The following ARID1B variants were observed in gnomAD, a reference collection of about 807,000 sequenced individuals.
The protein encoded by ARID1B is AT-rich interaction domain 1B, also known as AT-rich interactive domain-containing protein 1B.
Under a neutral mutation model 212.3 loss-of-function variants are expected in ARID1B, and 30 were observed. The observed-to-expected ratio is 0.14, with a 90% CI of 0.11 to 0.19. The LOEUF (loss-of-function observed/expected upper bound fraction) is 0.19. Ranked by LOEUF, ARID1B falls within the 10% of genes least tolerant of loss-of-function variation. The pLI, the probability that ARID1B is intolerant of heterozygous loss-of-function variation, is 1.00. For missense variants in ARID1B, 2,891 were observed against 3,204.0 expected (o/e 0.90, Z 2.36); for synonymous variants, 1,402 against 1,301.7 (o/e 1.08, Z -1.66).
chr6:157,116,652 A>T (rs758664316), intron 6 of ARID1B, among the ~76,000 whole-genome samples: 5 of 151,882 alleles, frequency 3.3e-5, no homozygotes, highest in Non-Finnish European at 7.4e-5. Flanking sequence ...ACTGTGAGCC[A>T]CGAGGAAATG....
chr6:157,131,224 A>G (rs995719184), intron 6 of ARID1B, among the ~76,000 whole-genome samples: 4 of 152,204 alleles, frequency 2.6e-5, no homozygotes, highest in African/African-American at 9.7e-5. Flanking sequence ...CACGTCCCAC[A>G]CGCTCTGCTA....
chr6:156,797,719 A>G (rs1780485266), intron 1 of ARID1B, among the ~76,000 whole-genome samples: 1 of 152,128 alleles, frequency 6.6e-6, no homozygotes, highest in South Asian at 2.1e-4. Context: ...AGCTCGATGG[A>G]GATGCTGGAG....
intron 4 of ARID1B, among the ~76,000 whole-genome samples, chr6:157,078,520 A>G (rs138286859): frequency 1.3e-5 from 2 of 152,312 alleles, no homozygotes; most frequent in East Asian, 3.9e-4. Flanking sequence ...AATCTCTTCA[A>G]AAGAGCTTGA....
chr6:156,912,123 G>A (rs115157389), intron 3 of ARID1B, among the ~76,000 whole-genome samples: 143 of 152,006 alleles, frequency 9.4e-4, no homozygotes, highest in African/African-American at 3.2e-3. Flanking sequence ...AGGATTCCAC[G>A]TTACCCATTA....
intron 8 of ARID1B, among the ~76,000 whole-genome samples, chr6:157,159,404 G>T (rs1390433308): frequency 6.6e-6 from 1 of 152,160 alleles, no homozygotes; most frequent in Non-Finnish European, 1.5e-5. Flanking sequence ...TGTTCTCCTG[G>T]TTGCTTTGAG....
chr6:156,962,574 C>T (rs1226952766), intron 4 of ARID1B, among the ~76,000 whole-genome samples: 1 of 151,990 alleles, frequency 6.6e-6, no homozygotes, highest in Non-Finnish European at 1.5e-5. Context: ...TCACCGCTTC[C>T]CGGGCTAAAG....
chr6:156,975,613 C>CTTTTTTTTTTTTTTTTTTTTT (rs367797338), intron 4 of ARID1B, among the ~76,000 whole-genome samples: 2 of 110,854 alleles, frequency 1.8e-5, no homozygotes, highest in African/African-American at 3.5e-5. Context: ...TTTTTTTTTT[C>CTTTTTTTTTTTTTTTTTTTTT]TTTTTTTTTT....
In ARID1B at chr6:157,206,373, C is replaced by T. The variant is rs368980689; in HGVS notation, c.5601C>T (p.Asp1867=). 166 of 1,613,932 alleles carry T rather than the reference C, an allele frequency of 1.0e-4. No individual in the cohort carries two copies. Among genetic ancestry groups the T allele is most frequent in the Non-Finnish European group, 1.2e-4 (144 of 1,180,026 alleles). ...AATGTATTGATGACGACGAGGAAGA[C>T]GAGGAGGATGAGGAGGAAGACAGCG... ...DAECIDDDEE[D]EEDEEEDSEK... The change falls in exon 20 of 20, where the codon GAC becomes GAT. Residue 1867 remains aspartate, a synonymous_variant. Coordinates refer to ENST00000636930, the MANE Select transcript of ARID1B (RefSeq NM_001374828.1). The surrounding 1 kb of genome is among the most constrained non-coding windows in gnomAD (Gnocchi z 6.8).
At chr6:157,169,053 A>C (rs1242529232) in intron 9 of ARID1B, 1 of 152,058 alleles carries the variant, frequency 6.6e-6, no homozygotes, top group Non-Finnish European at 1.5e-5. Context: ...TCAGAGAGAC[A>C]GGAGTGACGC....
chr6:157,132,560 G>A (rs1788621408), intron 6 of ARID1B, among the ~76,000 whole-genome samples: 2 of 152,178 alleles, frequency 1.3e-5, no homozygotes, highest in African/African-American at 4.8e-5. Flanking sequence ...GCAGGGAAGA[G>A]CTGGTACCCT....
intron 8 of ARID1B, among the ~76,000 whole-genome samples, chr6:157,161,431 G>A (rs570568536): frequency 0.055 from 7,667 of 139,280 alleles, 698 homozygotes; most frequent in African/African-American, 0.2. Context: ...TTGTGTGTGT[G>A]TATATATATA....
chr6:157,079,488 A>G (rs991291812), intron 4 of ARID1B, among the ~76,000 whole-genome samples: 1 of 152,192 alleles, frequency 6.6e-6, no homozygotes, highest in African/African-American at 2.4e-5. Context: ...CGTGACCAAA[A>G]ATGATAGTTG....
chr6:157,104,785 A>C (rs1347108477), intron 5 of ARID1B, among the ~76,000 whole-genome samples: 1 of 152,254 alleles, frequency 6.6e-6, no homozygotes, highest in East Asian at 1.9e-4. Flanking sequence ...TGAACTCAGC[A>C]GTCATGAGTT....
rs541066146 is a variant in ARID1B, at chr6:156,779,731, T to TC, written c.1791+268dup. 1,438 of 149,938 alleles carry TC rather than the reference T, an allele frequency of 9.6e-3. 26 individuals carry two copies. Among genetic ancestry groups the TC allele is most frequent in the African/African-American group, 0.036 (1,332 of 37,004 alleles). 9.3% of individuals were successfully genotyped at this position (149,938 alleles called of 1,614,324 possible). On this transcript the variant is annotated intron_variant, in intron 1 of 19. Coordinates refer to ENST00000636930, the MANE Select transcript of ARID1B (RefSeq NM_001374828.1). ...TCTACCCCGCCGGCCCGCACCCGCGTCCCCCCCCTCCCCCAGGCCCGGGAA... is the reference window on the plus strand; with the variant it reads ...TCTACCCCGCCGGCCCGCACCCGCGTCCCCCCCCCTCCCCCAGGCCCGGGAA...
intron 9 of ARID1B, chr6:157,173,256 A>C (rs1315881104): frequency 1.3e-5 from 2 of 152,202 alleles, no homozygotes; most frequent in Non-Finnish European, 2.9e-5. Flanking sequence ...TTTGATGCTA[A>C]AGCCTAAATA....
At chr6:157,076,995 A>G (rs1002949925) in intron 4 of ARID1B, among the ~76,000 whole-genome samples, 1 of 152,130 alleles carries the variant, frequency 6.6e-6, no homozygotes, top group Non-Finnish European at 1.5e-5. Context: ...TAGTTTTTAG[A>G]TACTGTCAGG....
chr6:156,801,612 C>T (rs891307435), intron 1 of ARID1B, among the ~76,000 whole-genome samples: 2 of 152,008 alleles, frequency 1.3e-5, no homozygotes, highest in Non-Finnish European at 2.9e-5. Context: ...AGATTTTTTC[C>T]TCTGCTTGAA....
At chr6:157,116,400 A>T (rs1787322779) in intron 6 of ARID1B, among the ~76,000 whole-genome samples, 1 of 151,064 alleles carries the variant, frequency 6.6e-6, no homozygotes, top group Non-Finnish European at 1.5e-5. Context: ...TTAAACATTC[A>T]TGTTAATGCC....
chr6:157,162,584 CT>C (rs1227029807), intron 8 of ARID1B, among the ~76,000 whole-genome samples: 1 of 152,200 alleles, frequency 6.6e-6, no homozygotes, highest in Non-Finnish European at 1.5e-5. Flanking sequence ...CTGTAATAAC[CT>C]GGCTTTGCTT....
Sources: gnomAD v4.1 joint callset for allele counts (sites outside exome capture counted in the v4.1 genomes callset) on GRCh38, gnomAD v4.1.1 for gene constraint, Gnocchi (gnomAD v3.1) non-coding constraint, MANE v1.5 for transcripts, NCBI Gene and HGNC (gene_info 2026-07-23, HGNC 2026-07-21) for gene names.